Variants in EPHA3 observed in about 807,000 individuals in gnomAD.
EPHA3 encodes the protein EPH receptor A3.
Under a neutral mutation model 107.1 loss-of-function variants are expected in EPHA3, and 42 were observed. The ratio of observed to expected loss-of-function variants is 0.39; its 90% CI spans 0.31 to 0.51. The LOEUF is 0.51. Ranked by LOEUF, EPHA3 falls within the 20% of genes least tolerant of loss-of-function variation. EPHA3 has a pLI of 0.78. For missense variants in EPHA3, 1,183 were observed against 1,211.2 expected, an observed-to-expected ratio of 0.98 and a Z score of 0.35; for synonymous variants, 461 against 424.8, an observed-to-expected ratio of 1.09 and a Z score of -1.05.
intron 3 of EPHA3, among the ~76,000 whole-genome samples, chr3:89,337,667 G>A (rs1707425452): frequency 6.6e-6 from 1 of 152,132 alleles, no homozygotes; most frequent in Admixed American, 6.5e-5. Flanking sequence ...TAACTTTCTG[G>A]ACTTCAGTGA....
intron 3 of EPHA3, among the ~76,000 whole-genome samples, chr3:89,303,307 A>G (rs1204764427): frequency 6.6e-6 from 1 of 151,760 alleles, no homozygotes; most frequent in African/African-American, 2.4e-5. Context: ...CATAATTATT[A>G]TTTTCTGTCT....
intron 5 of EPHA3, among the ~76,000 whole-genome samples, chr3:89,384,661 T>C (rs1708580799): frequency 6.6e-6 from 1 of 152,134 alleles, no homozygotes; most frequent in African/African-American, 2.4e-5. Flanking sequence ...TCAGGTACAA[T>C]TGATGAAAAA....
intron 3 of EPHA3, among the ~76,000 whole-genome samples, chr3:89,234,963 T>C (rs760459853): frequency 4.2e-5 from 5 of 119,412 alleles, no homozygotes; most frequent in South Asian, 3.2e-4. Context: ...CTCTTTCCCT[T>C]CCTCCTTCCT....
intron 3 of EPHA3, among the ~76,000 whole-genome samples, chr3:89,307,413 T>G (rs912458485): frequency 2.0e-5 from 3 of 152,170 alleles, no homozygotes; most frequent in Non-Finnish European, 4.4e-5. Context: ...ATACAAAGTT[T>G]AAAGGCTTAA....
chr3:89,116,944 T>G (rs1027212735), intron 1 of EPHA3, among the ~76,000 whole-genome samples: 1 of 152,064 alleles, frequency 6.6e-6, no homozygotes, highest in African/African-American at 2.4e-5. Context: ...TATATTTATA[T>G]TTGGGTTTTC....
At chr3:89,404,655 A>G (rs1709023230) in intron 7 of EPHA3, among the ~76,000 whole-genome samples, 1 of 152,202 alleles carries the variant, frequency 6.6e-6, no homozygotes, top group South Asian at 2.1e-4. Context: ...AATGGAAATG[A>G]TCTGATTTAG....
chr3:89,212,015 TAA>T (rs1345785615), intron 3 of EPHA3, among the ~76,000 whole-genome samples: 1 of 151,692 alleles, frequency 6.6e-6, no homozygotes, highest in Non-Finnish European at 1.5e-5. Flanking sequence ...ACCAGGAAGG[TAA>T]AGAGTACTTA....
At chr3:89,476,132 TTA>T (rs1373310317) in intron 16 of EPHA3, among the ~76,000 whole-genome samples, 1 of 147,374 alleles carries the variant, frequency 6.8e-6, no homozygotes, top group Non-Finnish European at 1.5e-5. Context: ...AAAATATATA[TTA>T]TATATTATAT....
At chr3:89,207,069 G>T (rs1261487639) in intron 2 of EPHA3, among the ~76,000 whole-genome samples, 1 of 151,962 alleles carries the variant, frequency 6.6e-6, no homozygotes, top group Non-Finnish European at 1.5e-5. Flanking sequence ...TAAGTTAATA[G>T]GTGAGCTATG....
chr3:89,190,619 G>C (rs1191185890), intron 2 of EPHA3, among the ~76,000 whole-genome samples: 1 of 152,100 alleles, frequency 6.6e-6, no homozygotes, highest in African/African-American at 2.4e-5. Context: ...TGAAATACAG[G>C]TGTAATTGCA....
At chr3:89,469,743 A>G (rs893566900) in intron 15 of EPHA3, among the ~76,000 whole-genome samples, 2 of 152,190 alleles carry the variant, frequency 1.3e-5, no homozygotes, top group African/African-American at 4.8e-5. Context: ...TATTTCATGT[A>G]TATTGTTCAT....
intron 13 of EPHA3, among the ~76,000 whole-genome samples, chr3:89,437,926 T>A (rs1709706206): frequency 6.6e-6 from 1 of 152,064 alleles, no homozygotes; most frequent in Non-Finnish European, 1.5e-5. Context: ...TTATTCGATT[T>A]TTTTCTTTTC....
chr3:89,235,387 GATATATTTTACATAAAT>G (rs1348169483), intron 3 of EPHA3, among the ~76,000 whole-genome samples: 1 of 152,100 alleles, frequency 6.6e-6, no homozygotes, highest in African/African-American at 2.4e-5. Context: ...CCTAAGATCA[GATATATTTTACATAAAT>G]ATATCAACCC....
chr3:89,470,724 C>A (rs77462384), intron 15 of EPHA3, among the ~76,000 whole-genome samples: 1,530 of 152,244 alleles, frequency 0.01, 39 homozygotes, highest in African/African-American at 0.035. Context: ...CAAAGTTTTA[C>A]CTAAATGGCA....
intron 3 of EPHA3, among the ~76,000 whole-genome samples, chr3:89,333,940 C>T (rs1258617808): frequency 6.6e-6 from 1 of 151,718 alleles, no homozygotes; most frequent in Non-Finnish European, 1.5e-5. Context: ...GCTCTCTTTT[C>T]AGTTGTCTTT....
intron 11 of EPHA3, among the ~76,000 whole-genome samples, chr3:89,425,049 G>T (rs886811529): frequency 6.6e-6 from 1 of 151,234 alleles, no homozygotes; most frequent in Non-Finnish European, 1.5e-5. Context: ...CTGGCACAGT[G>T]GTAGGTGTTG....
intron 3 of EPHA3, among the ~76,000 whole-genome samples, chr3:89,237,662 A>G (rs1329434157): frequency 2.6e-5 from 4 of 152,016 alleles, no homozygotes; most frequent in Non-Finnish European, 5.9e-5. Context: ...TCAGTTTGTA[A>G]TGTTATGTTA....
intron 15 of EPHA3, among the ~76,000 whole-genome samples, chr3:89,450,910 T>C (rs1709973913): frequency 6.6e-6 from 1 of 152,016 alleles, no homozygotes; most frequent in African/African-American, 2.4e-5. Context: ...TCTCTCTAAA[T>C]AAATAAATAT....
At chr3:89,397,849 C>T (rs140795209) in intron 6 of EPHA3, among the ~76,000 whole-genome samples, 1,722 of 152,270 alleles carry the variant, frequency 0.011, 36 homozygotes, top group African/African-American at 0.039. Flanking sequence ...TCCCAAAGTG[C>T]TGGGATTACA....
Sources: gnomAD v4.1 joint callset for allele counts (sites outside exome capture counted in the v4.1 genomes callset) on GRCh38, gnomAD v4.1.1 for gene constraint, MANE v1.5 for transcripts, NCBI Gene and HGNC (gene_info 2026-07-23, HGNC 2026-07-21) for gene names.